Variants in CTNND1 observed in about 807,000 individuals in gnomAD.
CTNND1 encodes catenin delta 1.
In CTNND1, 16 loss-of-function variants were observed where a neutral mutation model predicts 112.1. That is an observed-to-expected ratio of 0.14 (90% CI 0.10 to 0.22). The LOEUF (loss-of-function observed/expected upper bound fraction) is 0.22, where lower values mean the gene tolerates loss of function less well. Ranked by LOEUF, CTNND1 falls within the 10% of genes least tolerant of loss-of-function variation. The pLI is 1.00. For missense variants in CTNND1, 1,008 were observed against 1,257.0 expected, an observed-to-expected ratio of 0.80 and a Z score of 3.00; for synonymous variants, 420 against 446.5, an observed-to-expected ratio of 0.94 and a Z score of 0.75.
chr11:57,803,392 C>T (rs1031431573), intron 7 of CTNND1, among the ~76,000 whole-genome samples: 4 of 152,192 alleles, frequency 2.6e-5, no homozygotes, highest in East Asian at 3.9e-4. Context: ...CCAGCCTGAG[C>T]GTTGCTTATA....
chr11:57,782,404 T>G (rs1481688883), intron 1 of CTNND1, among the ~76,000 whole-genome samples: 2 of 152,212 alleles, frequency 1.3e-5, no homozygotes, highest in East Asian at 3.8e-4. Flanking sequence ...TTTAACAGTG[T>G]TTAATTGAAC....
At chr11:57,809,007 C>G (rs1591645508) in intron 14 of CTNND1, among the ~76,000 whole-genome samples, 1 of 152,206 alleles carries the variant, frequency 6.6e-6, no homozygotes, top group East Asian at 1.9e-4. Context: ...ATTAGAGTAT[C>G]TGAAAGGACT....
In CTNND1 at chr11:57,803,714, A is replaced by G. The variant is rs756180230; in HGVS notation, c.1514A>G (p.His505Arg). The G allele has an allele frequency of 1.9e-5, 30 of 1,613,768 alleles. No individual in the cohort carries two copies. In the East Asian group the frequency reaches 6.5e-4, roughly 35 times the overall value. ...HALTDEVIIP[H>R]SGWEREPNED... ...TTGACAGATGAAGTGATCATTCCTC[A>G]TTCTGGTTGGGAGCGGGAACCTAAT... Residue 505 changes from histidine to arginine, a missense_variant, in exon 8 of 21, where the codon CAT becomes CGT. His to Arg is a conservative substitution (Grantham distance 29). This residue lies in a region of CTNND1 where 216 missense variants were observed against 342.8 expected (regional missense o/e 0.63). Coordinates refer to ENST00000399050, the MANE Select transcript of CTNND1 (RefSeq NM_001085458.2).
At chr11:57,783,217 T>C (rs1591336207) in intron 1 of CTNND1, among the ~76,000 whole-genome samples, 1 of 146,682 alleles carries the variant, frequency 6.8e-6, no homozygotes, top group East Asian at 2.0e-4. Context: ...ACCTGGGAGG[T>C]GGAGGTTGCA....
rs1175054748 is a variant in CTNND1, at chr11:57,817,723, A to C, written c.*1415A>C. On this transcript the variant is annotated 3_prime_UTR_variant, in exon 21 of 21. Coordinates refer to ENST00000399050, the MANE Select transcript of CTNND1 (RefSeq NM_001085458.2). The stretch of plus-strand genomic sequence containing the variant: ...CAGAATTTACCATCATCTCTGAAGG[A>C]GTTACAGGGAAGTGGTCTCCCCAAT... 2.0e-5 allele frequency: 3 copies of C among 152,538 alleles called. No individual in the cohort carries two copies. Among genetic ancestry groups the C allele is most frequent in the African/African-American group, 7.2e-5 (3 of 41,406 alleles). The allele number at this position is 152,538 out of a possible 1,614,324, so 9.4% of individuals were successfully genotyped here.
Position 57,788,529 on chromosome 11 carries a change from T to C in CTNND1, c.-213-508T>C, listed in dbSNP as rs1428023295. 1.3e-5 allele frequency among the ~76,000 whole-genome samples: 2 copies of C among 152,170 alleles called. No individual in the cohort carries two copies. The highest frequency in any genetic ancestry group is 2.9e-5 in the Non-Finnish European group (2 of 68,038). On this transcript the variant is annotated intron_variant, in intron 1 of 20. Coordinates refer to ENST00000399050, the MANE Select transcript of CTNND1 (RefSeq NM_001085458.2). This position sits in a 1 kb window ranked among gnomAD's most constrained non-coding sequence, Gnocchi z 4.1. ...CCCGGGCATTTGTGCTTGGTGGGGC[T>C]CTGGGGAGCGTGGGAAAGGGAACTG...
Position 57,817,237 on chromosome 11 carries a change from C to T in CTNND1, c.*929C>T, listed in dbSNP as rs1237522348. The T allele has an allele frequency of 6.5e-6, 1 of 152,962 alleles. No homozygotes were observed. The highest frequency in any genetic ancestry group is 6.5e-5 in the Admixed American group (1 of 15,284). 9.5% of individuals were successfully genotyped at this position (152,962 alleles called of 1,614,324 possible). ...TAGTCTGAAACTGGCTTCCCCACTC[C>T]CCCGTTTCTCCTTTTCCTATCCTTA... is the stretch of plus-strand genomic sequence containing the variant. On this transcript the variant is annotated 3_prime_UTR_variant, in exon 21 of 21. Coordinates refer to ENST00000399050, the MANE Select transcript of CTNND1 (RefSeq NM_001085458.2).
intron 4 of CTNND1, 109 bp downstream of exon 4, chr11:57,794,190 C>T (rs1327059488): frequency 6.9e-6 from 6 of 871,034 alleles, no homozygotes; most frequent in South Asian, 3.0e-5. Flanking sequence ...TGTACATACT[C>T]GTCAATTAGT....
At chr11:57,801,008 T>C (rs1197952493) in intron 6 of CTNND1, among the ~76,000 whole-genome samples, 5 of 152,290 alleles carry the variant, frequency 3.3e-5, no homozygotes, top group African/African-American at 9.6e-5. Flanking sequence ...GAGCTGGAGG[T>C]ATTGTCTTTA....
At chr11:57,784,375 C>G (rs1239839691) in intron 1 of CTNND1, among the ~76,000 whole-genome samples, 1 of 148,648 alleles carries the variant, frequency 6.7e-6, no homozygotes, top group Non-Finnish European at 1.5e-5. Flanking sequence ...CACCACTGCA[C>G]TCTAGCCAGG....
At chr11:57,791,695 C>T (rs760996750) in intron 3 of CTNND1, 22 bp downstream of exon 3, 6 of 1,511,226 alleles carry the variant, frequency 4.0e-6, no homozygotes, top group East Asian at 2.5e-5. Flanking sequence ...CTCCATCAGA[C>T]GTGCAGGTAG....
rs1801960458 is a variant in CTNND1 at position 57,816,876 on chromosome 11, G to T, written c.*568G>T. 6.5e-6 allele frequency: 1 copy of T among 154,812 alleles called. No individual in the cohort carries two copies. The highest frequency in any genetic ancestry group is 1.4e-5 in the Non-Finnish European group (1 of 69,696). 9.6% of individuals were successfully genotyped at this position (154,812 alleles called of 1,614,324 possible). On this transcript the variant is annotated 3_prime_UTR_variant, in exon 21 of 21. Transcript: ENST00000399050. ...CATTGGCACATGCCACCTGGCAAAG[G>T]ACCCTTGAGTAAGTGAAGGTCTCCT...
At chr11:57,807,605 C>CAAAAAAAAAAAAAAA (rs71470294) in intron 12 of CTNND1, among the ~76,000 whole-genome samples, 1 of 29,226 alleles carries the variant, frequency 3.4e-5, no homozygotes, top group Non-Finnish European at 6.0e-5. Context: ...AACTCCGTCT[C>CAAAAAAAAAAAAAAA]AAAAAAAAAA....
At chr11:57,800,825 G>T (rs1348298633) in intron 6 of CTNND1, among the ~76,000 whole-genome samples, 1 of 152,166 alleles carries the variant, frequency 6.6e-6, no homozygotes, top group Non-Finnish European at 1.5e-5. Context: ...CTTCCTTCCT[G>T]GTAGTTACGA....
chr11:57,786,820 G>C (rs1372808268), intron 1 of CTNND1, among the ~76,000 whole-genome samples: 1 of 151,758 alleles, frequency 6.6e-6, no homozygotes, highest in Non-Finnish European at 1.5e-5. Flanking sequence ...TAACTCTTGA[G>C]CCTAAAAAAA....
Position 57,819,258 on chromosome 11 carries a change from C to CT in CTNND1, c.*2951dup, listed in dbSNP as rs1378392741. Reference sequence around the variant, plus strand: ...TGGGCTAGTGAGACCAGGAAATCAACTAGCTTTTAAAGCTTGATTTGTGTC... The same window carrying CT: ...TGGGCTAGTGAGACCAGGAAATCAACTTAGCTTTTAAAGCTTGATTTGTGTC... On this transcript the variant is annotated 3_prime_UTR_variant, in exon 21 of 21. Transcript: ENST00000399050. 4.6e-5 allele frequency: 7 copies of CT among 152,158 alleles called. No homozygotes were observed. The highest frequency in any genetic ancestry group is 1.7e-4 in the African/African-American group (7 of 41,432). The allele number at this position is 152,158 out of a possible 1,614,324, so 9.4% of individuals were successfully genotyped here. A position where few individuals can be genotyped will look rare whatever the true frequency, so the allele number is the denominator to read the frequency against.
Position 57,819,379 on chromosome 11 carries a change from G to T in CTNND1, c.*3071G>T, listed in dbSNP as rs886993274. On this transcript the variant is annotated 3_prime_UTR_variant, in exon 21 of 21. Transcript: ENST00000399050. The stretch of plus-strand genomic sequence containing the variant: ...GAGTTTTGATAGCCCTGCTTGAGAT[G>T]ATTTTTATCTAAATAGAAAAGCCTG... The T allele has an allele frequency of 2.6e-5, 4 of 152,168 alleles. No homozygotes were observed. The highest frequency in any genetic ancestry group is 1.3e-4 in the Admixed American group (2 of 15,282). 9.4% of individuals were successfully genotyped at this position (152,168 alleles called of 1,614,324 possible). A position where few individuals can be genotyped will look rare whatever the true frequency, so the allele number is the denominator to read the frequency against.
intron 6 of CTNND1, among the ~76,000 whole-genome samples, chr11:57,798,668 A>G (rs932420597): frequency 1.3e-5 from 2 of 152,146 alleles, no homozygotes; most frequent in Non-Finnish European, 2.9e-5. Context: ...GATGTGAAAA[A>G]AGGAGTGATT....
intron 14 of CTNND1, 33 bp downstream of exon 14, chr11:57,808,573 A>G: frequency 6.5e-7 from 1 of 1,544,124 alleles, no homozygotes; most frequent in Non-Finnish European, 8.7e-7. Context: ...TTACCTCAAA[A>G]TTTAGTACAG....
Sources: gnomAD v4.1 joint callset for allele counts (sites outside exome capture counted in the v4.1 genomes callset) on GRCh38, gnomAD v4.1.1 for gene constraint, gnomAD v4.1.1 regional missense constraint, Gnocchi (gnomAD v3.1) non-coding constraint, MANE v1.5 for transcripts, NCBI Gene and HGNC (gene_info 2026-07-23, HGNC 2026-07-21) for gene names.